The following AP3B2 variants were observed in gnomAD, a reference collection of about 807,000 sequenced individuals.
AP3B2 encodes AP-3 complex subunit beta-2.
AP3B2 carries 50 observed loss-of-function variants against 126.9 expected under a neutral mutation model. The observed-to-expected ratio is 0.39, with a 90% CI of 0.31 to 0.50. The LOEUF is 0.50. Ranked by LOEUF, AP3B2 falls within the 20% of genes least tolerant of loss-of-function variation. The pLI, the probability that AP3B2 is intolerant of heterozygous loss-of-function variation, is 0.79. For synonymous variants in AP3B2, 541 were observed against 565.0 expected (o/e 0.96, Z 0.60); for missense variants, 1,177 against 1,426.4 (o/e 0.83, Z 2.82).
chr15:82,663,576 C>T lies in AP3B2; in HGVS notation c.2481G>A (p.Leu827=). The change falls in exon 21 of 27, where the codon CTG becomes CTA. Residue 827 remains leucine, a synonymous_variant. Transcript: ENST00000535359. ...CAAACTCACAATCCTCTAGATCAAGCAGGGAGATCTCCTTGGTTGCAGGAG... is the reference window on the plus strand; with the variant it reads ...CAAACTCACAATCCTCTAGATCAAGTAGGGAGATCTCCTTGGTTGCAGGAG... The part of the protein sequence containing the change: ...KSAPATKEIS[L]LDLEDFTPPS... 1 of 1,613,906 alleles carries T rather than the reference C, an allele frequency of 6.2e-7. No homozygotes were observed. The highest frequency in any genetic ancestry group is 2.2e-5 in the East Asian group (1 of 44,878).
chr15:82,706,370 G>A (rs1310318988), intron 1 of AP3B2, among the ~76,000 whole-genome samples: 1 of 152,082 alleles, frequency 6.6e-6, no homozygotes, highest in Non-Finnish European at 1.5e-5. Flanking sequence ...CCTCCATGCT[G>A]TTATATGGGC....
In AP3B2 at chr15:82,681,685, C is replaced by G; in HGVS notation, c.361-105G>C. On this transcript the variant is annotated intron_variant, in intron 4 of 26. Coordinates refer to ENST00000535359, the MANE Select transcript of AP3B2 (RefSeq NM_001278512.2). This position sits in a 1 kb window ranked among gnomAD's most constrained non-coding sequence, Gnocchi z 4.0. ...TGTCCCCAGCGACCACTAGCTCTTGCTTCCCTGCCGCTTGACTGGAGCCTG... is the reference window on the plus strand; with the variant it reads ...TGTCCCCAGCGACCACTAGCTCTTGGTTCCCTGCCGCTTGACTGGAGCCTG... 8.0e-7 allele frequency: 1 copy of G among 1,257,716 alleles called. No individual in the cohort carries two copies. Among genetic ancestry groups the G allele is most frequent in the Admixed American group, 2.4e-5 (1 of 42,012 alleles). The allele number at this position is 1,257,716 out of a possible 1,614,324, so 77.9% of individuals were successfully genotyped here.
In AP3B2 at chr15:82,663,606, T is replaced by G. The variant is rs2047996085; in HGVS notation, c.2451A>C (p.Lys817Asn). 5 of 1,613,856 alleles carry G rather than the reference T, an allele frequency of 3.1e-6. No homozygotes were observed. The highest frequency in any genetic ancestry group is 4.2e-6 in the Non-Finnish European group (5 of 1,179,838). Residue 817 changes from lysine to asparagine, a missense_variant, in exon 21 of 27, where the codon AAA (lysine) becomes AAC (asparagine). Coordinates refer to ENST00000535359, the MANE Select transcript of AP3B2 (RefSeq NM_001278512.2). ...AGATCTCCTTGGTTGCAGGAGCACTTTTGCTGCTGGGAGGCTGAAAGAGAA... is the reference window on the plus strand; with the variant it reads ...AGATCTCCTTGGTTGCAGGAGCACTGTTGCTGCTGGGAGGCTGAAAGAGAA... The part of the protein sequence containing the change: ...SWSRKTPPSS[K>N]SAPATKEISL...
rs900421404 is a variant in AP3B2 at position 82,679,180 on chromosome 15, A to G, written c.1182+549T>C. On this transcript the variant is annotated intron_variant, in intron 10 of 26. Transcript: ENST00000535359. ...CTCTTGTCACCCAGGCTGGAGTGCA[A>G]TGGCACAATCTCAGCTCACTGCAAC... 3.9e-5 allele frequency among the ~76,000 whole-genome samples: 6 copies of G among 152,266 alleles called. No homozygotes were observed. In the East Asian group the frequency reaches 9.7e-4, roughly 25 times the overall value.
chr15:82,679,797 T>C lies in AP3B2; in HGVS notation c.1114A>G (p.Met372Val). The C allele has an allele frequency of 6.2e-7, 1 of 1,613,750 alleles. No homozygotes were observed. The highest frequency in any genetic ancestry group is 8.5e-7 in the Non-Finnish European group (1 of 1,179,772). ...AAGCTCTTCAGGTAGGGCTCAAACATACCCTGGCACAAGAGAGGCAGCTAG... is the reference window on the plus strand; with the variant it reads ...AAGCTCTTCAGGTAGGGCTCAAACACACCCTGGCACAAGAGAGGCAGCTAG... ...VATMSIKRRG[M>V]FEPYLKSFYI... is the part of the protein sequence containing the mutation. Residue 372 changes from methionine to valine, a missense_variant, in exon 10 of 27, where the codon ATG becomes GTG. Around this residue, in one of 5 missense-constraint regions of AP3B2, gnomAD observed 308 missense variants for 452.4 expected, o/e 0.68. Coordinates refer to ENST00000535359, the MANE Select transcript of AP3B2 (RefSeq NM_001278512.2).
intron 25 of AP3B2, among the ~76,000 whole-genome samples, chr15:82,661,001 A>T (rs1362834238): frequency 6.6e-6 from 1 of 151,732 alleles, no homozygotes. Context: ...TTATATGCTG[A>T]CTCTGAAGGT....
At position 82,680,852 on chromosome 15, in the gene AP3B2, C is replaced by T. The variant is rs771566020; in HGVS notation, c.756G>A (p.Leu252=). 6.2e-7 allele frequency: 1 copy of T among 1,613,728 alleles called. No homozygotes were observed. Among genetic ancestry groups the T allele is most frequent in the Non-Finnish European group, 8.5e-7 (1 of 1,179,764 alleles). Reference sequence around the variant, plus strand: ...GCCCACTTACGTTCTGGGTGGGGCTCAGGAACTGCGTGCGGGCGTAGCGGG... The same window carrying T: ...GCCCACTTACGTTCTGGGTGGGGCTTAGGAACTGCGTGCGGGCGTAGCGGG... ...MLTRYARTQF[L]SPTQNESLLE... The change falls in exon 7 of 27, where the codon CTG becomes CTA. Residue 252 remains leucine (L), a synonymous_variant. Transcript: ENST00000535359. The surrounding 1 kb of genome is among the most constrained non-coding windows in gnomAD (Gnocchi z 6.1).
At chr15:82,689,095 C>T (rs535533714) in intron 3 of AP3B2, 63 bp downstream of exon 3, 1 of 1,584,056 alleles carries the variant, frequency 6.3e-7, no homozygotes, top group East Asian at 2.2e-5. Flanking sequence ...CTTCCTCACC[C>T]CAAGCTTGAG....
intron 1 of AP3B2, chr15:82,692,360 G>A (rs1000465731): frequency 1.3e-5 from 7 of 527,426 alleles, no homozygotes; most frequent in East Asian, 7.0e-5. Flanking sequence ...GCCCAACATC[G>A]GCACCTCCCA....
intron 12 of AP3B2, 125 bp downstream of exon 12, chr15:82,677,546 A>G: frequency 1.4e-6 from 2 of 1,416,618 alleles, no homozygotes; most frequent in Non-Finnish European, 1.9e-6. Context: ...CCTGATCAAG[A>G]CAGACAGACC....
intron 24 of AP3B2, 69 bp from the exon 25 acceptor site, chr15:82,661,991 T>TA: frequency 6.9e-7 from 1 of 1,457,140 alleles, no homozygotes; most frequent in Non-Finnish European, 9.5e-7. Context: ...CCACCCTGTG[T>TA]AGAGGCACAG....
chr15:82,666,350 T>C (rs995609872), intron 15 of AP3B2, among the ~76,000 whole-genome samples: 3 of 152,248 alleles, frequency 2.0e-5, no homozygotes, highest in African/African-American at 7.2e-5. Flanking sequence ...AGGCAACTGC[T>C]TTCTCAGGAC....
intron 1 of AP3B2, chr15:82,697,803 C>T (rs1243783849): frequency 3.7e-5 from 4 of 107,582 alleles, no homozygotes; most frequent in Non-Finnish European, 9.0e-5. Flanking sequence ...AATCAGAGGA[C>T]ACCTTCTACT....
Position 82,688,758 on chromosome 15 carries a change from G to C in AP3B2, c.338C>G (p.Ser113Cys). 6.2e-7 allele frequency: 1 copy of C among 1,612,850 alleles called. No individual in the cohort carries two copies. The highest frequency in any genetic ancestry group is 8.5e-7 in the Non-Finnish European group (1 of 1,179,482). The change falls in exon 4 of 27, where the codon TCC (serine) becomes TGC (cysteine). Residue 113 changes from serine to cysteine, a missense_variant. Around this residue, in one of 5 missense-constraint regions of AP3B2, gnomAD observed 130 missense variants for 262.0 expected, o/e 0.50. Coordinates refer to ENST00000535359, the MANE Select transcript of AP3B2 (RefSeq NM_001278512.2). ...GACCTTTAGGCCACGTTGGAAGGTG[G>C]AGATGGACAGCAGGGCCAGGTCTTG... ...EQQDLALLSI[S>C]TFQRGLKDPN...
intron 14 of AP3B2, among the ~76,000 whole-genome samples, chr15:82,668,545 A>G (rs909763629): frequency 3.9e-5 from 6 of 152,162 alleles, no homozygotes; most frequent in African/African-American, 1.4e-4. Context: ...GTCCTTGCCT[A>G]GTTCTAGAAA....
At chr15:82,699,780 A>G in intron 1 of AP3B2, 1 of 399,268 alleles carries the variant, frequency 2.5e-6, no homozygotes, top group Non-Finnish European at 4.4e-6. Context: ...CACCTTCGGG[A>G]GCCAGCACAG....
At position 82,681,290 on chromosome 15, in the gene AP3B2, C is replaced by CT; in HGVS notation, c.522-113dup. 6.6e-7 allele frequency: 1 copy of CT among 1,518,258 alleles called. No homozygotes were observed. Among genetic ancestry groups the CT allele is most frequent in the Non-Finnish European group, 9.0e-7 (1 of 1,116,990 alleles). The allele number at this position is 1,518,258 out of a possible 1,614,324, so 94.0% of individuals were successfully genotyped here. ...CCAGCCTTATTGTTCTCCTCCATCTCTGTCAGTCCCCCAAACTACCCTCCT... is the reference window on the plus strand; with the variant it reads ...CCAGCCTTATTGTTCTCCTCCATCTCTTGTCAGTCCCCCAAACTACCCTCCT... On this transcript the variant is annotated intron_variant, in intron 5 of 26. Transcript: ENST00000535359. This position sits in a 1 kb window ranked among gnomAD's most constrained non-coding sequence, Gnocchi z 4.0.
At chr15:82,682,810 G>A (rs189588205) in intron 4 of AP3B2, among the ~76,000 whole-genome samples, 107 of 152,158 alleles carry the variant, frequency 7.0e-4, no homozygotes, top group African/African-American at 2.5e-3. Context: ...ATGTAGGCTG[G>A]GCGTGATGGC....
chr15:82,668,096 C>A (rs776754404), intron 14 of AP3B2, among the ~76,000 whole-genome samples: 1 of 152,212 alleles, frequency 6.6e-6, no homozygotes, highest in African/African-American at 2.4e-5. Context: ...GGACATCAAG[C>A]AGATGTCCAT....
Sources: gnomAD v4.1 joint callset for allele counts (sites outside exome capture counted in the v4.1 genomes callset) on GRCh38, gnomAD v4.1.1 for gene constraint, gnomAD v4.1.1 regional missense constraint, Gnocchi (gnomAD v3.1) non-coding constraint, MANE v1.5 for transcripts, NCBI Gene and HGNC (gene_info 2026-07-23, HGNC 2026-07-21) for gene names.